The following FHIT variants were observed in gnomAD, a reference collection of about 807,000 sequenced individuals.
The protein encoded by FHIT is bis(5'-adenosyl)-triphosphatase.
In FHIT, 19 loss-of-function variants were observed where a neutral mutation model predicts 17.9. That is an observed-to-expected ratio of 1.06 (90% CI 0.74 to 1.56). The LOEUF (loss-of-function observed/expected upper bound fraction) is 1.56, where lower values mean the gene tolerates loss of function less well. Ranked by LOEUF, FHIT falls within the 40% of genes most tolerant of loss-of-function variation. The pLI, the probability that FHIT is intolerant of heterozygous loss-of-function variation, is 0.00. For synonymous variants in FHIT, 81 were observed against 69.7 expected (o/e 1.16, Z -0.81); for missense variants, 248 against 189.2 (o/e 1.31, Z -1.82).
intron 5 of FHIT, among the ~76,000 whole-genome samples, chr3:60,108,495 C>T (rs2107169447): frequency 6.6e-6 from 1 of 152,200 alleles, no homozygotes; most frequent in South Asian, 2.1e-4. Flanking sequence ...TGCCTGAATT[C>T]TTACTGTGTA....
intron 4 of FHIT, among the ~76,000 whole-genome samples, chr3:60,813,033 A>T (rs1441600054): frequency 6.6e-6 from 1 of 152,110 alleles, no homozygotes; most frequent in African/African-American, 2.4e-5. Context: ...TATGGAGAAG[A>T]GGGACCATCA....
intron 2 of FHIT, among the ~76,000 whole-genome samples, chr3:61,102,883 T>A (rs2035876835): frequency 6.6e-6 from 1 of 152,242 alleles, no homozygotes; most frequent in Admixed American, 6.5e-5. Context: ...TGTATTTCTG[T>A]GGGATCAGTG....
chr3:59,854,860 G>A (rs1575593348), intron 8 of FHIT, among the ~76,000 whole-genome samples: 2 of 152,210 alleles, frequency 1.3e-5, no homozygotes, highest in South Asian at 2.1e-4. Context: ...AGGCTAAGAA[G>A]CTCATGCAGC....
At chr3:60,432,143 T>C (rs1372031613) in intron 5 of FHIT, among the ~76,000 whole-genome samples, 1 of 151,980 alleles carries the variant, frequency 6.6e-6, no homozygotes, top group Non-Finnish European at 1.5e-5. Flanking sequence ...GCCCAGCTAA[T>C]TTTTGTATTT....
chr3:59,855,045 G>C (rs1702096776), intron 8 of FHIT, among the ~76,000 whole-genome samples: 1 of 152,194 alleles, frequency 6.6e-6, no homozygotes. Flanking sequence ...CTCTGAAGCA[G>C]TTTGATTCAA....
intron 8 of FHIT, among the ~76,000 whole-genome samples, chr3:59,803,007 A>C (rs1453988239): frequency 6.6e-6 from 1 of 152,142 alleles, no homozygotes; most frequent in African/African-American, 2.4e-5. Context: ...GACACGTGTC[A>C]GGTGCCATGC....
At chr3:60,520,524 T>A (rs548593162) in intron 5 of FHIT, among the ~76,000 whole-genome samples, 4 of 152,198 alleles carry the variant, frequency 2.6e-5, no homozygotes, top group Non-Finnish European at 5.9e-5. Context: ...CTAGAGAGCA[T>A]GTCAGTCCTA....
intron 5 of FHIT, among the ~76,000 whole-genome samples, chr3:60,100,534 A>G (rs1275449416): frequency 6.6e-6 from 1 of 152,156 alleles, no homozygotes; most frequent in Non-Finnish European, 1.5e-5. Flanking sequence ...TTCCACCTGC[A>G]GGCATAGGCA....
intron 4 of FHIT, among the ~76,000 whole-genome samples, chr3:60,695,181 G>A (rs1243898530): frequency 7.2e-5 from 11 of 152,176 alleles, no homozygotes; most frequent in Non-Finnish European, 1.3e-4. Context: ...AATCACCTAA[G>A]GTCAGGCGTT....
intron 8 of FHIT, among the ~76,000 whole-genome samples, chr3:59,903,257 T>A (rs1344112026): frequency 6.6e-6 from 1 of 152,008 alleles, no homozygotes; most frequent in Middle Eastern, 3.2e-3. Flanking sequence ...AGAAAGTAGA[T>A]TAGTAGTTTC....
chr3:60,835,684 C>A (rs184577937), intron 3 of FHIT, among the ~76,000 whole-genome samples: 26 of 152,284 alleles, frequency 1.7e-4, no homozygotes, highest in Non-Finnish European at 3.5e-4. Context: ...TTGGCACAAA[C>A]ACAACCTTCT....
intron 5 of FHIT, among the ~76,000 whole-genome samples, chr3:60,383,235 T>A (rs1336661452): frequency 6.6e-6 from 1 of 152,200 alleles, no homozygotes; most frequent in Non-Finnish European, 1.5e-5. Context: ...GCTGGTTTAT[T>A]TCATCTGTGA....
chr3:60,022,116 T>G (rs774196195), intron 5 of FHIT, among the ~76,000 whole-genome samples: 9 of 152,204 alleles, frequency 5.9e-5, no homozygotes, highest in Non-Finnish European at 1.3e-4. Context: ...GGACACATGT[T>G]TCAGAGGATG....
intron 4 of FHIT, among the ~76,000 whole-genome samples, chr3:60,567,407 A>C (rs1274196654): frequency 6.6e-6 from 1 of 152,268 alleles, no homozygotes; most frequent in Admixed American, 6.5e-5. Context: ...AGCCATATAT[A>C]GAAAGCTGAA....
chr3:60,608,701 G>C (rs557271716), intron 4 of FHIT, among the ~76,000 whole-genome samples: 1 of 151,808 alleles, frequency 6.6e-6, no homozygotes, highest in African/African-American at 2.4e-5. Context: ...TTGTTTTTAG[G>C]AATATATTTT....
chr3:60,171,647 A>G (rs1258056111), intron 5 of FHIT, among the ~76,000 whole-genome samples: 1 of 152,088 alleles, frequency 6.6e-6, no homozygotes, highest in African/African-American at 2.4e-5. Context: ...AATTTTTTAA[A>G]TTTTAAATTA....
chr3:60,003,823 T>C (rs1699820318), intron 7 of FHIT, among the ~76,000 whole-genome samples: 1 of 151,768 alleles, frequency 6.6e-6, no homozygotes, highest in Non-Finnish European at 1.5e-5. Flanking sequence ...GTACTGAATC[T>C]TTCTCACATG....
chr3:61,141,309 T>C (rs1399019737), intron 2 of FHIT, among the ~76,000 whole-genome samples: 1 of 152,098 alleles, frequency 6.6e-6, no homozygotes, highest in Non-Finnish European at 1.5e-5. Context: ...TGGTGCTTTA[T>C]CCAAGTAGAA....
intron 5 of FHIT, among the ~76,000 whole-genome samples, chr3:60,390,431 C>T (rs1208052688): frequency 6.4e-5 from 8 of 124,848 alleles, no homozygotes; most frequent in East Asian, 4.5e-4. Flanking sequence ...AAAAAAAACC[C>T]GTACCCTCTA....
Sources: allele counts gnomAD v4.1 joint callset (sites outside exome capture counted in the v4.1 genomes callset), GRCh38; gene constraint gnomAD v4.1.1; transcripts MANE v1.5; gene names NCBI Gene and HGNC (gene_info 2026-07-23, HGNC 2026-07-21).